NRXN3: variants seen among roughly 807,000 people sequenced by gnomAD.
NRXN3 encodes the protein neurexin 3, also known as neurexin III.
In NRXN3, 32 loss-of-function variants were observed where a neutral mutation model predicts 137.6. The observed-to-expected ratio is 0.23, with a 90% CI of 0.18 to 0.31. The LOEUF is 0.31. NRXN3 is among the 10% of genes least tolerant of loss of function. NRXN3 has a pLI of 1.00. For synonymous variants in NRXN3, 798 were observed against 784.5 expected (o/e 1.02, Z -0.29); for missense variants, 1,574 against 2,062.5 (o/e 0.76, Z 4.59).
intron 15 of NRXN3, among the ~76,000 whole-genome samples, chr14:79,099,717 A>G (rs1338998076): frequency 6.6e-6 from 1 of 152,208 alleles, no homozygotes; most frequent in Non-Finnish European, 1.5e-5. Context: ...CTCAGATCTT[A>G]TAGGTATTCT....
rs996222150 is a variant in NRXN3, at chr14:79,517,235, A to T, written c.3444+49833A>T. Reference sequence around the variant, plus strand: ...TTTTCTTTTTCTTATGATGAGTGAGATTGTACATCTGTTTATATGTTTAGG... The same window carrying T: ...TTTTCTTTTTCTTATGATGAGTGAGTTTGTACATCTGTTTATATGTTTAGG... On this transcript the variant is annotated intron_variant, in intron 16 of 20. Transcript: ENST00000335750. 3.3e-5 allele frequency among the ~76,000 whole-genome samples: 5 copies of T among 152,028 alleles called. No individual in the cohort carries two copies. The East Asian group carries it at 5.8e-4, about 18-fold the overall frequency.
chr14:78,283,935 G>A (rs569193150), intron 3 of NRXN3, among the ~76,000 whole-genome samples: 12 of 152,130 alleles, frequency 7.9e-5, no homozygotes, highest in Non-Finnish European at 1.2e-4. Flanking sequence ...CTCTATCATG[G>A]CACTGTGACC....
intron 4 of NRXN3, among the ~76,000 whole-genome samples, chr14:78,575,332 G>A (rs991615891): frequency 1.3e-5 from 2 of 152,218 alleles, no homozygotes; most frequent in Admixed American, 6.5e-5. Context: ...AGTGAGTGTA[G>A]TTGCAGGTTT....
At chr14:79,837,780 A>T (rs139433312) in intron 20 of NRXN3, among the ~76,000 whole-genome samples, 9 of 152,308 alleles carry the variant, frequency 5.9e-5, no homozygotes, top group African/African-American at 2.2e-4. Flanking sequence ...CAGGTTAATC[A>T]AATGCCTTCA....
At chr14:78,297,551 C>T (rs2076467937) in intron 3 of NRXN3, among the ~76,000 whole-genome samples, 1 of 152,158 alleles carries the variant, frequency 6.6e-6, no homozygotes, top group Non-Finnish European at 1.5e-5. Context: ...GGAAAGTTCT[C>T]GTGATTAGGC....
At chr14:78,211,690 C>T (rs562301634) in intron 1 of NRXN3, among the ~76,000 whole-genome samples, 36 of 152,374 alleles carry the variant, frequency 2.4e-4, no homozygotes, top group African/African-American at 8.7e-4. Flanking sequence ...ACTATTCTAA[C>T]GTCTGCCTCT....
chr14:78,900,218 T>A lies in NRXN3; in HGVS notation c.2276-57024T>A, dbSNP rs551484448. The stretch of plus-strand genomic sequence containing the variant: ...ACAGTGGGTTCTATTTTTTTTTCTA[T>A]TGTTATAGATGAGTAAACTGACACC... On this transcript the variant is annotated intron_variant, in intron 10 of 20. Transcript: ENST00000335750. Among the ~76,000 whole-genome samples the A allele has an allele frequency of 2.0e-4, 31 of 151,954 alleles. No individual in the cohort carries two copies. The East Asian group carries it at 5.1e-3, about 25-fold the overall frequency.
At chr14:78,808,609 C>A (rs933359702) in intron 9 of NRXN3, among the ~76,000 whole-genome samples, 1 of 152,030 alleles carries the variant, frequency 6.6e-6, no homozygotes, top group Middle Eastern at 3.2e-3. Flanking sequence ...GTAATCATAC[C>A]GGTTGCTCCA....
intron 4 of NRXN3, among the ~76,000 whole-genome samples, chr14:78,328,849 G>C (rs1344949141): frequency 6.6e-6 from 1 of 152,146 alleles, no homozygotes; most frequent in African/African-American, 2.4e-5. Context: ...TCTAGTTGAG[G>C]ATTGACATGT....
At chr14:78,425,754 C>T (rs1293680637) in intron 4 of NRXN3, among the ~76,000 whole-genome samples, 1 of 152,168 alleles carries the variant, frequency 6.6e-6, no homozygotes, top group African/African-American at 2.4e-5. Flanking sequence ...CCTGGCCCTA[C>T]CTCCTTCACC....
At chr14:79,671,096 C>A (rs1044185149) in intron 17 of NRXN3, among the ~76,000 whole-genome samples, 1 of 152,168 alleles carries the variant, frequency 6.6e-6, no homozygotes, top group Non-Finnish European at 1.5e-5. Flanking sequence ...TTATGACATA[C>A]TCCCCACTTC....
At chr14:79,350,498 C>G (rs932796401) in intron 15 of NRXN3, among the ~76,000 whole-genome samples, 15 of 152,094 alleles carry the variant, frequency 9.9e-5, no homozygotes, top group Non-Finnish European at 8.8e-5. Context: ...ATTTATCAGG[C>G]TTATCATTTT....
At chr14:79,016,823 T>C (rs2099580070) in intron 15 of NRXN3, among the ~76,000 whole-genome samples, 1 of 152,136 alleles carries the variant, frequency 6.6e-6, no homozygotes, top group Non-Finnish European at 1.5e-5. Context: ...GTCTATGAAC[T>C]GTAACGTCAA....
intron 15 of NRXN3, among the ~76,000 whole-genome samples, chr14:79,046,198 T>TC (rs2099632918): frequency 6.6e-6 from 1 of 152,078 alleles, no homozygotes; most frequent in Non-Finnish European, 1.5e-5. Flanking sequence ...CTCTTTCCCC[T>TC]CCCCTCCTCT....
At chr14:79,375,713 C>T (rs558320615) in intron 15 of NRXN3, among the ~76,000 whole-genome samples, 1 of 152,194 alleles carries the variant, frequency 6.6e-6, no homozygotes, top group Middle Eastern at 3.4e-3. Context: ...AAATTTAAAT[C>T]CCTCAGCAAT....
chr14:79,689,215 T>C (rs1380472141), intron 17 of NRXN3, among the ~76,000 whole-genome samples: 1 of 152,140 alleles, frequency 6.6e-6, no homozygotes, highest in African/African-American at 2.4e-5. Flanking sequence ...CTATATGAAA[T>C]ATATGACTGA....
chr14:78,702,032 G>T (rs913470540), intron 6 of NRXN3, among the ~76,000 whole-genome samples: 5 of 152,294 alleles, frequency 3.3e-5, no homozygotes, highest in Admixed American at 6.5e-5. Flanking sequence ...GACCAGAGAT[G>T]CAGATGTGAC....
chr14:79,568,899 C>T (rs1431203125), intron 16 of NRXN3, among the ~76,000 whole-genome samples: 2 of 152,124 alleles, frequency 1.3e-5, no homozygotes, highest in East Asian at 1.9e-4. Context: ...CTCTGAATAG[C>T]CATTTGGCCA....
At chr14:78,529,093 G>C (rs1038317822) in intron 4 of NRXN3, among the ~76,000 whole-genome samples, 1 of 152,086 alleles carries the variant, frequency 6.6e-6, no homozygotes, top group African/African-American at 2.4e-5. Flanking sequence ...TAAAATAATA[G>C]GAGAGACAAA....
Sources: gnomAD v4.1 joint callset for allele counts (sites outside exome capture counted in the v4.1 genomes callset) on GRCh38, gnomAD v4.1.1 for gene constraint, MANE v1.5 for transcripts, NCBI Gene and HGNC (gene_info 2026-07-23, HGNC 2026-07-21) for gene names.